RASGRF2: variants seen among roughly 807,000 people sequenced by gnomAD.
RASGRF2 encodes Ras protein specific guanine nucleotide releasing factor 2, also known as ras-specific guanine nucleotide-releasing factor 2.
RASGRF2 carries 76 observed loss-of-function variants against 151.0 expected under a neutral mutation model. The observed-to-expected ratio is 0.50, with a 90% CI of 0.42 to 0.61. RASGRF2 has a LOEUF of 0.61. Among genes scored for constraint, RASGRF2 ranks in the 20% least tolerant of loss-of-function variants. The probability of loss-of-function intolerance (pLI) is 0.00; values close to 1 mark genes in which losing one functional copy is unlikely to be tolerated. For synonymous variants in RASGRF2, 504 were observed against 566.5 expected, an observed-to-expected ratio of 0.89 and a Z score of 1.57; for missense variants, 1,148 against 1,564.6, an observed-to-expected ratio of 0.73 and a Z score of 4.49.
At chr5:80,969,356 G>T (rs560991774) in intron 1 of RASGRF2, among the ~76,000 whole-genome samples, 3 of 150,542 alleles carry the variant, frequency 2.0e-5, no homozygotes, top group Admixed American at 6.6e-5. Flanking sequence ...GGCTGGTCTC[G>T]AACTCCTGAC....
At chr5:81,166,500 TCTC>T (rs1172690598) in intron 17 of RASGRF2, among the ~76,000 whole-genome samples, 1 of 152,074 alleles carries the variant, frequency 6.6e-6, no homozygotes, top group African/African-American at 2.4e-5. Flanking sequence ...GAACTTTACT[TCTC>T]CTGACAAAAG....
chr5:81,037,677 T>C lies in RASGRF2; in HGVS notation c.289-5200T>C, dbSNP rs1580237568. ...ATGTGAAATGATTGAGAGAAAGAGA[T>C]TACAAATGAGGCAAAAAATGTTAAA... On this transcript the variant is annotated intron_variant, in intron 1 of 26. Transcript: ENST00000265080. Among the ~76,000 whole-genome samples the C allele has an allele frequency of 2.0e-5, 3 of 152,170 alleles. No homozygotes were observed. In the South Asian group the frequency reaches 6.2e-4, roughly 31 times the overall value.
At chr5:81,215,091 C>T (rs1252067864) in intron 23 of RASGRF2, among the ~76,000 whole-genome samples, 1 of 152,030 alleles carries the variant, frequency 6.6e-6, no homozygotes, top group African/African-American at 2.4e-5. Flanking sequence ...GTAATCCCCA[C>T]ATTTTGGGAG....
At chr5:81,012,788 C>A (rs60041168) in intron 1 of RASGRF2, among the ~76,000 whole-genome samples, 1 of 151,926 alleles carries the variant, frequency 6.6e-6, no homozygotes, top group Non-Finnish European at 1.5e-5. Flanking sequence ...AGAGGAGGCA[C>A]AAGGAAAAAG....
At chr5:81,046,547 G>A (rs190295170) in intron 2 of RASGRF2, among the ~76,000 whole-genome samples, 26 of 152,096 alleles carry the variant, frequency 1.7e-4, no homozygotes, top group Admixed American at 1.3e-3. Context: ...ACTAGTTCAG[G>A]GGACGCTGCT....
intron 1 of RASGRF2, among the ~76,000 whole-genome samples, chr5:81,001,745 G>T (rs1749087995): frequency 6.6e-6 from 1 of 152,086 alleles, no homozygotes; most frequent in Non-Finnish European, 1.5e-5. Context: ...TTGTTTTCTT[G>T]CCTCTGTTCT....
At chr5:81,131,145 A>G (rs1381066756) in intron 17 of RASGRF2, among the ~76,000 whole-genome samples, 1 of 152,176 alleles carries the variant, frequency 6.6e-6, no homozygotes, top group Non-Finnish European at 1.5e-5. Flanking sequence ...TCCTTAATGC[A>G]TTAAAAGGAA....
intron 23 of RASGRF2, among the ~76,000 whole-genome samples, chr5:81,214,853 A>G (rs1441359383): frequency 6.6e-6 from 1 of 152,252 alleles, no homozygotes; most frequent in Non-Finnish European, 1.5e-5. Flanking sequence ...GTCAACAACA[A>G]TGTTATTTCT....
chr5:80,963,184 G>C (rs1294095347), intron 1 of RASGRF2, among the ~76,000 whole-genome samples: 1 of 152,222 alleles, frequency 6.6e-6, no homozygotes, highest in Non-Finnish European at 1.5e-5. Flanking sequence ...TTACCTCTCA[G>C]CTAATTTATG....
chr5:80,996,941 A>G (rs1475827842), intron 1 of RASGRF2, among the ~76,000 whole-genome samples: 1 of 152,100 alleles, frequency 6.6e-6, no homozygotes, highest in African/African-American at 2.4e-5. Flanking sequence ...CAGCAAAAAC[A>G]TGAAATTTAA....
chr5:81,139,432 C>T (rs577034869), intron 17 of RASGRF2, among the ~76,000 whole-genome samples: 9 of 143,484 alleles, frequency 6.3e-5, no homozygotes, highest in African/African-American at 2.3e-4. Context: ...GACAGAGTCT[C>T]GGTGTGTCAC....
At chr5:81,106,257 T>A (rs1752843018) in intron 12 of RASGRF2, among the ~76,000 whole-genome samples, 1 of 152,230 alleles carries the variant, frequency 6.6e-6, no homozygotes, top group Non-Finnish European at 1.5e-5. Context: ...CAATTTTTAT[T>A]ATTCCTTTCT....
chr5:80,977,522 A>G (rs34997), intron 1 of RASGRF2, among the ~76,000 whole-genome samples: 136,167 of 152,078 alleles, frequency 0.9, 61,128 homozygotes, highest in African/African-American at 0.95. Context: ...GAGTGCAATG[A>G]CACAATCTCA....
intron 1 of RASGRF2, among the ~76,000 whole-genome samples, chr5:80,994,344 C>A (rs561645668): frequency 7.8e-6 from 1 of 127,772 alleles, no homozygotes; most frequent in African/African-American, 3.1e-5. Context: ...CCAGCCTGGG[C>A]GACAGAGCGA....
chr5:81,195,497 T>TA (rs1429535971), intron 18 of RASGRF2, among the ~76,000 whole-genome samples: 1 of 152,122 alleles, frequency 6.6e-6, no homozygotes. Context: ...CATGCATTTG[T>TA]AAAAAATAAA....
At chr5:81,051,190 A>T (rs914307912) in intron 2 of RASGRF2, among the ~76,000 whole-genome samples, 7 of 152,044 alleles carry the variant, frequency 4.6e-5, no homozygotes, top group Admixed American at 3.9e-4. Context: ...TGTTCAAATC[A>T]CCCTGCATCA....
At chr5:81,084,776 T>C (rs1465803586) in intron 7 of RASGRF2, among the ~76,000 whole-genome samples, 1 of 152,172 alleles carries the variant, frequency 6.6e-6, no homozygotes, top group Admixed American at 6.5e-5. Flanking sequence ...AGTTTCTTCA[T>C]TCTCAAAGGT....
intron 1 of RASGRF2, among the ~76,000 whole-genome samples, chr5:80,981,921 G>C (rs1037228085): frequency 2.0e-5 from 3 of 152,102 alleles, no homozygotes; most frequent in Non-Finnish European, 2.9e-5. Context: ...AAAAATTACA[G>C]TGTCATATTT....
intron 17 of RASGRF2, among the ~76,000 whole-genome samples, chr5:81,171,243 A>G (rs1754650721): frequency 6.6e-6 from 1 of 152,160 alleles, no homozygotes; most frequent in Non-Finnish European, 1.5e-5. Context: ...CTCACTCCTG[A>G]TCCCATGCCC....
Sources: gnomAD v4.1 joint callset for allele counts (sites outside exome capture counted in the v4.1 genomes callset) on GRCh38, gnomAD v4.1.1 for gene constraint, MANE v1.5 for transcripts, NCBI Gene and HGNC (gene_info 2026-07-23, HGNC 2026-07-21) for gene names.